Variants in C13orf42 observed in about 807,000 individuals in gnomAD.
C13orf42 encodes the protein uncharacterized protein C13orf42.
intron 1 of C13orf42, among the ~76,000 whole-genome samples, chr13:51,092,049 C>T (rs567072337): frequency 2.0e-5 from 3 of 152,278 alleles, no homozygotes; most frequent in African/African-American, 7.2e-5. Context: ...CCCACAGGGG[C>T]GCACTTTCCC....
intron 1 of C13orf42, among the ~76,000 whole-genome samples, chr13:51,122,390 C>A (rs901351583): frequency 8.6e-5 from 13 of 151,734 alleles, no homozygotes; most frequent in Admixed American, 1.3e-4. Flanking sequence ...AAAAACTAGC[C>A]AGGTATCATG....
rs542740725 is a variant in C13orf42, at chr13:51,138,060, T to C, written n.137-24838A>G. Among the ~76,000 whole-genome samples, 25 of 152,326 alleles carry C rather than the reference T, an allele frequency of 1.6e-4. 1 individual carries two copies. In the South Asian group the frequency reaches 5.0e-3, roughly 30 times the overall value. On this transcript the variant is annotated intron_variant and non_coding_transcript_variant, in intron 1 of 4. Coordinates refer to the C13orf42 transcript ENST00000433280. ...CACCCTAGCACTTCCAGGGCCCTCC[T>C]TTCCATGCTACTTTCTGTCCCCCAT...
chr13:51,157,596 G>C (rs900059000), intron 1 of C13orf42, among the ~76,000 whole-genome samples: 1 of 152,118 alleles, frequency 6.6e-6, no homozygotes, highest in African/African-American at 2.4e-5. Flanking sequence ...GGCACTTCTT[G>C]CCTTCTTCTG....
At chr13:51,157,897 G>A (rs1460036748) in intron 1 of C13orf42, among the ~76,000 whole-genome samples, 1 of 152,226 alleles carries the variant, frequency 6.6e-6, no homozygotes, top group Non-Finnish European at 1.5e-5. Flanking sequence ...TAAGTGGCAA[G>A]AGCAAGGAAA....
chr13:51,155,254 T>C (rs1489268425), intron 1 of C13orf42, among the ~76,000 whole-genome samples: 1 of 152,244 alleles, frequency 6.6e-6, no homozygotes, highest in African/African-American at 2.4e-5. Context: ...TGGAAACTCC[T>C]TGTGGGTTTT....
chr13:51,096,491 T>C (rs187648502), intron 1 of C13orf42, among the ~76,000 whole-genome samples: 63 of 152,348 alleles, frequency 4.1e-4, no homozygotes, highest in Admixed American at 3.9e-3. Flanking sequence ...CTTAACTTCT[T>C]TAGTTCATAT....
upstream of C13orf42, among the ~76,000 whole-genome samples, chr13:51,115,352 C>T (rs1414153548): frequency 1.3e-5 from 2 of 152,150 alleles, no homozygotes; most frequent in Non-Finnish European, 2.9e-5. Flanking sequence ...ACTAGCACAC[C>T]TGCTTACGGG....
chr13:51,147,598 G>A (rs1023547462), intron 1 of C13orf42, among the ~76,000 whole-genome samples: 2 of 152,180 alleles, frequency 1.3e-5, no homozygotes, highest in Middle Eastern at 3.4e-3. Flanking sequence ...GCATGATGGC[G>A]GGTGCCTGTA....
At chr13:51,094,111 T>A (rs1430742283) in intron 1 of C13orf42, among the ~76,000 whole-genome samples, 1 of 152,160 alleles carries the variant, frequency 6.6e-6, no homozygotes, top group Admixed American at 6.5e-5. Flanking sequence ...TTTGACACAA[T>A]CCTGGTATCT....
At chr13:51,107,347 G>GA (rs1258896439) in intron 1 of C13orf42, among the ~76,000 whole-genome samples, 11 of 152,310 alleles carry the variant, frequency 7.2e-5, no homozygotes, top group Admixed American at 5.9e-4. Flanking sequence ...GAATGCTTTG[G>GA]AAAACATCAG....
chr13:51,126,995 C>T (rs1267430386), intron 1 of C13orf42, among the ~76,000 whole-genome samples: 1 of 152,054 alleles, frequency 6.6e-6, no homozygotes, highest in Non-Finnish European at 1.5e-5. Context: ...TGAAACCCTT[C>T]TCTACAGAAA....
intron 1 of C13orf42, among the ~76,000 whole-genome samples, chr13:51,144,824 A>AT (rs2138033061): frequency 6.6e-6 from 1 of 152,342 alleles, no homozygotes; most frequent in African/African-American, 2.4e-5. Flanking sequence ...GAAAAGTCTT[A>AT]TCTGAGATTC....
chr13:51,159,201 G>T (rs889592132), intron 1 of C13orf42, among the ~76,000 whole-genome samples: 1 of 152,112 alleles, frequency 6.6e-6, no homozygotes, highest in Non-Finnish European at 1.5e-5. Flanking sequence ...CAGACTCTTA[G>T]GCAAGTCAAC....
intron 1 of C13orf42, among the ~76,000 whole-genome samples, chr13:51,131,298 T>G (rs749568664): frequency 4.8e-4 from 73 of 152,354 alleles, no homozygotes; most frequent in Non-Finnish European, 8.8e-4. Context: ...CTGTTTCTTT[T>G]GCAATAGGAC....
intron 1 of C13orf42, among the ~76,000 whole-genome samples, chr13:51,129,819 T>C (rs1295371442): frequency 6.6e-6 from 1 of 152,170 alleles, no homozygotes; most frequent in Non-Finnish European, 1.5e-5. Flanking sequence ...TTAGAACCCA[T>C]AAGCCTACTC....
intron 1 of C13orf42, among the ~76,000 whole-genome samples, chr13:51,147,161 C>T (rs539977321): frequency 6.1e-4 from 93 of 152,376 alleles, no homozygotes; most frequent in African/African-American, 2.2e-3. Context: ...GTGGATGCTG[C>T]ACCATTTCCT....
At chr13:51,124,881 G>C (rs149247272) in intron 1 of C13orf42, among the ~76,000 whole-genome samples, 1 of 151,982 alleles carries the variant, frequency 6.6e-6, no homozygotes, top group Non-Finnish European at 1.5e-5. Flanking sequence ...ATTAAACCTC[G>C]TTGTCCCCAT....
At chr13:51,114,955 T>C (rs191569449), upstream of C13orf42, among the ~76,000 whole-genome samples, 180 of 152,336 alleles carry the variant, frequency 1.2e-3, no homozygotes, top group African/African-American at 4.2e-3. Flanking sequence ...TTCACTGTAG[T>C]AACCATATCA....
chr13:51,130,788 G>C (rs1183974170), intron 1 of C13orf42, among the ~76,000 whole-genome samples: 2 of 151,744 alleles, frequency 1.3e-5, no homozygotes, highest in Non-Finnish European at 1.5e-5. Flanking sequence ...GTAACATATA[G>C]TTAAGACTAC....
Sources: gnomAD v4.1 joint callset for allele counts (sites outside exome capture counted in the v4.1 genomes callset) on GRCh38, gnomAD v4.1.1 for gene constraint, MANE v1.5 for transcripts, NCBI Gene and HGNC (gene_info 2026-07-23, HGNC 2026-07-21) for gene names.